Variants in PRKN observed in about 807,000 individuals in gnomAD.
PRKN encodes E3 ubiquitin-protein ligase parkin.
In PRKN, 56 loss-of-function variants were observed where a neutral mutation model predicts 59.5. The observed-to-expected ratio is 0.94, with a 90% CI of 0.76 to 1.18. The LOEUF is 1.18. Ranked by LOEUF, PRKN falls within the 50% of genes most tolerant of loss-of-function variation. The pLI is 0.00. For missense variants in PRKN, 657 were observed against 596.4 expected (o/e 1.10, Z -1.06); for synonymous variants, 250 against 222.1 (o/e 1.13, Z -1.12).
rs181967615 is a variant in PRKN at position 162,340,592 on chromosome 6, T to A, written c.172-77827A>T. ...GTACCAAAACAGATATATAGACCAA[T>A]GGAACAGAACAGAGGACTCAGAAAT... On this transcript the variant is annotated intron_variant, in intron 2 of 11. Coordinates refer to ENST00000366898, the MANE Select transcript of PRKN (RefSeq NM_004562.3). Among the ~76,000 whole-genome samples the A allele has an allele frequency of 2.6e-5, 4 of 152,030 alleles. No individual in the cohort carries two copies. The East Asian group carries it at 7.7e-4, about 29-fold the overall frequency.
chr6:161,704,951 C>T (rs1453901259), intron 7 of PRKN, among the ~76,000 whole-genome samples: 1 of 152,160 alleles, frequency 6.6e-6, no homozygotes, highest in Admixed American at 6.5e-5. Context: ...GATTGGGCTC[C>T]ATCCCAAATA....
At chr6:162,055,650 T>C (rs1187855951) in intron 4 of PRKN, among the ~76,000 whole-genome samples, 1 of 151,852 alleles carries the variant, frequency 6.6e-6, no homozygotes, top group Admixed American at 6.6e-5. Flanking sequence ...CCAGGAGACG[T>C]GGTATGAGGC....
At chr6:161,996,175 T>TACACACAC (rs34527638) in intron 5 of PRKN, among the ~76,000 whole-genome samples, 1 of 150,058 alleles carries the variant, frequency 6.7e-6, no homozygotes, top group East Asian at 2.0e-4. Context: ...ACGTGGTGTG[T>TACACACAC]ACACACACAC....
At chr6:161,837,562 GT>G (rs1390605488) in intron 6 of PRKN, among the ~76,000 whole-genome samples, 2 of 147,450 alleles carry the variant, frequency 1.4e-5, no homozygotes, top group South Asian at 2.2e-4. Flanking sequence ...GGGTGTCTGG[GT>G]TTTTTTTCCT....
At chr6:162,002,851 T>C (rs1782110011) in intron 5 of PRKN, among the ~76,000 whole-genome samples, 1 of 152,126 alleles carries the variant, frequency 6.6e-6, no homozygotes, top group African/African-American at 2.4e-5. Context: ...TGATTTCAAA[T>C]ACTCTTGTGA....
chr6:162,589,268 T>C (rs1781201736), intron 1 of PRKN, among the ~76,000 whole-genome samples: 2 of 152,176 alleles, frequency 1.3e-5, no homozygotes, highest in Non-Finnish European at 2.9e-5. Flanking sequence ...ACTAGACTTT[T>C]TTGCCTTTTT....
intron 9 of PRKN, among the ~76,000 whole-genome samples, chr6:161,416,825 C>T (rs1787875745): frequency 1.3e-5 from 2 of 152,294 alleles, no homozygotes; most frequent in Admixed American, 1.3e-4. Context: ...ACCCGTCCTC[C>T]TGCCCAGGGG....
chr6:162,310,152 T>C (rs1214164246), intron 2 of PRKN, among the ~76,000 whole-genome samples: 3 of 152,162 alleles, frequency 2.0e-5, no homozygotes, highest in African/African-American at 4.8e-5. Flanking sequence ...TAATGAAAGA[T>C]AAGAGCTAAA....
chr6:162,072,948 T>C (rs1264204321), intron 4 of PRKN, among the ~76,000 whole-genome samples: 1 of 152,202 alleles, frequency 6.6e-6, no homozygotes, highest in Non-Finnish European at 1.5e-5. Context: ...AAGAACTCAG[T>C]AGAGAAAGAC....
intron 1 of PRKN, among the ~76,000 whole-genome samples, chr6:162,576,430 A>G (rs1298787825): frequency 1.3e-5 from 2 of 152,216 alleles, no homozygotes; most frequent in Non-Finnish European, 2.9e-5. Context: ...TGGGCAATAG[A>G]CACAGAAATG....
Position 162,568,747 on chromosome 6 carries a change from A to C in PRKN, c.8-125274T>G, listed in dbSNP as rs1043409337. 3.3e-4 allele frequency: 248 copies of C among 750,272 alleles called. 4 individuals are homozygous for C. Among genetic ancestry groups the C allele is most frequent in the South Asian group, 2.9e-3 (219 of 74,468 alleles). The allele number at this position is 750,272 out of a possible 1,614,324, so 46.5% of individuals were successfully genotyped here. A position where few individuals can be genotyped will look rare whatever the true frequency, so the allele number is the denominator to read the frequency against. On this transcript the variant is annotated intron_variant, in intron 1 of 11. Coordinates refer to ENST00000366898, the MANE Select transcript of PRKN (RefSeq NM_004562.3). ...AACATGTTCAAGAGCTACATCAACAACCCTAGGGGGCAGCCGGACACTCTG... is the reference window on the plus strand; with the variant it reads ...AACATGTTCAAGAGCTACATCAACACCCCTAGGGGGCAGCCGGACACTCTG...
At chr6:161,742,261 C>G (rs779602653) in intron 7 of PRKN, among the ~76,000 whole-genome samples, 2 of 152,256 alleles carry the variant, frequency 1.3e-5, no homozygotes, top group Admixed American at 1.3e-4. Context: ...TGAGCCACTG[C>G]GCCCAGCCCT....
intron 6 of PRKN, among the ~76,000 whole-genome samples, chr6:161,926,721 C>G (rs1436211528): frequency 6.6e-6 from 1 of 152,088 alleles, no homozygotes; most frequent in Non-Finnish European, 1.5e-5. Context: ...GTCTAAGAAA[C>G]AGGTGAAAGA....
At chr6:161,828,713 G>A (rs1348707126) in intron 6 of PRKN, among the ~76,000 whole-genome samples, 1 of 152,160 alleles carries the variant, frequency 6.6e-6, no homozygotes, top group Non-Finnish European at 1.5e-5. Flanking sequence ...GAGGTCAGGA[G>A]TTCGAATCCA....
At chr6:161,641,949 T>C (rs976341869) in intron 7 of PRKN, among the ~76,000 whole-genome samples, 2 of 152,234 alleles carry the variant, frequency 1.3e-5, no homozygotes, top group Non-Finnish European at 2.9e-5. Flanking sequence ...TTTCTGCTAG[T>C]GTAAAGAGTT....
At chr6:162,183,135 G>A (rs902694381) in intron 4 of PRKN, among the ~76,000 whole-genome samples, 7 of 152,108 alleles carry the variant, frequency 4.6e-5, no homozygotes, top group Admixed American at 2.0e-4. Flanking sequence ...CCAGAAGCAC[G>A]GTGCTACCTT....
chr6:162,380,511 A>G (rs137899879), intron 2 of PRKN, among the ~76,000 whole-genome samples: 1,900 of 92,606 alleles, frequency 0.021, 36 homozygotes, highest in African/African-American at 0.083. Flanking sequence ...ATATGTGTGT[A>G]TATATATATA....
chr6:162,249,087 C>T lies in PRKN; in HGVS notation c.412+13438G>A, dbSNP rs575078480. On this transcript the variant is annotated intron_variant, in intron 3 of 11. Coordinates refer to ENST00000366898, the MANE Select transcript of PRKN (RefSeq NM_004562.3). ...TAGAGACGAGGTTTCACCATGTTGG[C>T]CAGGATGGTCTCGATCTCTTGACCT... Among the ~76,000 whole-genome samples, 12 of 152,158 alleles carry T rather than the reference C, an allele frequency of 7.9e-5. No homozygotes were observed. In the South Asian group the frequency reaches 2.5e-3, roughly 32 times the overall value.
chr6:162,012,568 T>C (rs1782773594), intron 5 of PRKN, among the ~76,000 whole-genome samples: 1 of 152,150 alleles, frequency 6.6e-6, no homozygotes, highest in Non-Finnish European at 1.5e-5. Flanking sequence ...TTTACATAAA[T>C]TTTTACACAA....
Sources: allele counts gnomAD v4.1 joint callset (sites outside exome capture counted in the v4.1 genomes callset), GRCh38; gene constraint gnomAD v4.1.1; transcripts MANE v1.5; gene names NCBI Gene and HGNC (gene_info 2026-07-23, HGNC 2026-07-21).